Variants in TRPV6 observed in about 807,000 individuals in gnomAD.
TRPV6 encodes the protein Alu-binding protein with zinc finger domain.
Under a neutral mutation model 79.0 loss-of-function variants are expected in TRPV6, and 39 were observed. The observed-to-expected ratio is 0.49, with a 90% CI of 0.38 to 0.64. TRPV6 has a LOEUF of 0.64. Ranked by LOEUF, TRPV6 falls within the 30% of genes least tolerant of loss-of-function variation. TRPV6 has a pLI of 0.00. For missense variants in TRPV6, 813 were observed against 1,011.1 expected (o/e 0.80, Z 2.66); for synonymous variants, 373 against 391.9 (o/e 0.95, Z 0.57).
intron 1 of TRPV6, chr7:142,884,547 C>T (rs115655495): frequency 3.3e-5 from 5 of 152,328 alleles, no homozygotes; most frequent in African/African-American, 7.2e-5. Flanking sequence ...CCCTGAGTTC[C>T]GATTCCCTGC....
chr7:142,873,949 C>T lies in TRPV6; in HGVS notation c.1639+127G>A, dbSNP rs1794998684. On this transcript the variant is annotated intron_variant, in intron 12 of 14. Transcript: ENST00000359396. The surrounding 1 kb of genome is among the most constrained non-coding windows in gnomAD (Gnocchi z 4.8). ...TCTCACCTCTGGAGGACGTCCCATC[C>T]TCTGATACCATAGGTCTCCTCTGAT... The T allele has an allele frequency of 1.7e-6, 2 of 1,204,604 alleles. No homozygotes were observed. The highest frequency in any genetic ancestry group is 2.6e-5 in the East Asian group (1 of 39,142). The allele number at this position is 1,204,604 out of a possible 1,614,324, so 74.6% of individuals were successfully genotyped here.
chr7:142,878,235 G>A lies in TRPV6; in HGVS notation c.249-209C>T, dbSNP rs774765941. 1.7e-5 allele frequency: 10 copies of A among 595,760 alleles called. No individual in the cohort carries two copies. In the Admixed American group the frequency reaches 2.0e-4, roughly 12 times the overall value. The allele number at this position is 595,760 out of a possible 1,614,324, so 36.9% of individuals were successfully genotyped here. ...TCAACTTTTTGCCCATTTAGCATGC[G>A]TTTTGAGATTGTCCGTGACTGGTTT... On this transcript the variant is annotated intron_variant, in intron 1 of 14. Transcript: ENST00000359396.
Position 142,874,668 on chromosome 7 carries a change from GGGA to G in TRPV6, c.1407-15_1407-13del. 2 of 1,610,750 alleles carry G rather than the reference GGGA, an allele frequency of 1.2e-6. No homozygotes were observed. Among genetic ancestry groups the G allele is most frequent in the Non-Finnish European group, 1.7e-6 (2 of 1,177,874 alleles). ...AGGCATAGGTGATGCTGGGGGAGCA[GGGA>G]GGAGGGTGATGAGGGGAGGGCTGGG... On this transcript the variant is annotated splice_polypyrimidine_tract_variant and intron_variant, in intron 10 of 14. Coordinates refer to ENST00000359396, the MANE Select transcript of TRPV6 (RefSeq NM_018646.6).
At position 142,885,708 on chromosome 7, in the gene TRPV6, G is replaced by A. The variant is rs1041777219; in HGVS notation, c.-72C>T. On this transcript the variant is annotated 5_prime_UTR_variant, in exon 1 of 15. Transcript: ENST00000359396. ...AGCCCCAGCCAGTTTGGAGAGGGCTGTGAGTTTGTTACACTTGGCAGAGCC... is the reference window on the plus strand; with the variant it reads ...AGCCCCAGCCAGTTTGGAGAGGGCTATGAGTTTGTTACACTTGGCAGAGCC... 7 of 707,414 alleles carry A rather than the reference G, an allele frequency of 9.9e-6. No individual in the cohort carries two copies. Among genetic ancestry groups the A allele is most frequent in the African/African-American group, 7.2e-5 (4 of 55,330 alleles). The allele number at this position is 707,414 out of a possible 1,614,324, so 43.8% of individuals were successfully genotyped here. A position where few individuals can be genotyped will look rare whatever the true frequency, so the allele number is the denominator to read the frequency against.
chr7:142,877,636 C>T lies in TRPV6; in HGVS notation c.469+15G>A. 6.2e-7 allele frequency: 1 copy of T among 1,613,414 alleles called. No individual in the cohort carries two copies. The highest frequency in any genetic ancestry group is 2.2e-5 in the East Asian group (1 of 44,874). On this transcript the variant is annotated intron_variant, in intron 3 of 14. Coordinates refer to ENST00000359396, the MANE Select transcript of TRPV6 (RefSeq NM_018646.6). Reference sequence around the variant, plus strand: ...AGTCACTCCTGCTCTTCACCCCAGACCCGTGGGCCCTCACCCTCATAGAGC... The same window carrying T: ...AGTCACTCCTGCTCTTCACCCCAGATCCGTGGGCCCTCACCCTCATAGAGC...
intron 10 of TRPV6, 70 bp downstream of exon 10, chr7:142,874,834 T>C: frequency 6.3e-7 from 1 of 1,596,472 alleles, no homozygotes; most frequent in Non-Finnish European, 8.6e-7. Context: ...TCTTGAGAGG[T>C]CAGGAATCCA....
At chr7:142,883,174 T>G (rs1447999535) in intron 1 of TRPV6, 2 of 152,162 alleles carry the variant, frequency 1.3e-5, no homozygotes, top group Non-Finnish European at 2.9e-5. Context: ...GCATTAAATA[T>G]CAGGAAGTGA....
intron 1 of TRPV6, 165 bp downstream of exon 1, chr7:142,885,224 G>T (rs1795280287): frequency 2.8e-6 from 2 of 726,628 alleles, no homozygotes; most frequent in African/African-American, 1.8e-5. Context: ...CAGCCCTACA[G>T]GCTGAGGCTC....
rs1329620874 is a variant in TRPV6 at position 142,877,775 on chromosome 7, T to C, written c.347-2A>G. On this transcript the variant is annotated splice_acceptor_variant, in intron 2 of 14. Transcript: ENST00000359396. LOFTEE classifies it high-confidence loss of function. Reference sequence around the variant, plus strand: ...GTAGCGCTGTTTCCCCCATGGCTCCTGGCATTTACAGAGAGGTGGGTTATA... The same window carrying C: ...GTAGCGCTGTTTCCCCCATGGCTCCCGGCATTTACAGAGAGGTGGGTTATA... 2.5e-6 allele frequency: 4 copies of C among 1,614,162 alleles called. No homozygotes were observed. Among genetic ancestry groups the C allele is most frequent in the Admixed American group, 3.3e-5 (2 of 60,028 alleles).
chr7:142,877,330 G>A (rs1339380129), intron 3 of TRPV6, 51 bp from the exon 4 acceptor site: 1 of 1,602,228 alleles, frequency 6.2e-7, no homozygotes. Flanking sequence ...GATCCTGCAG[G>A]GGGTCCCTCC....
At chr7:142,875,727 C>G in intron 7 of TRPV6, 31 bp downstream of exon 7, 1 of 1,599,120 alleles carries the variant, frequency 6.3e-7, no homozygotes, top group Non-Finnish European at 8.5e-7. Flanking sequence ...GACACCCCTC[C>G]CCAGCCACAG....
At position 142,876,500 on chromosome 7, in the gene TRPV6, T is replaced by C. The variant is rs765006488; in HGVS notation, c.790A>G (p.Arg264Gly). 14 of 1,614,184 alleles carry C rather than the reference T, an allele frequency of 8.7e-6. No homozygotes were observed. The East Asian group carries it at 1.8e-4, about 21-fold the overall frequency. ...AGGGGCTGCAGGTGGTCCCCATGTC[T>C]GTCGTAGGACAGCAACAGGTTGTAC... The change falls in exon 6 of 15, where the codon AGA becomes GGA. Residue 264 changes from arginine (R) to glycine (G), a missense_variant. Coordinates refer to ENST00000359396, the MANE Select transcript of TRPV6 (RefSeq NM_018646.6).
chr7:142,878,054 G>A, intron 1 of TRPV6, 28 bp from the exon 2 acceptor site: 1 of 1,585,614 alleles, frequency 6.3e-7, no homozygotes, highest in Non-Finnish European at 8.7e-7. Flanking sequence ...AGGAAAGCTG[G>A]AAACAGTGAG....
In TRPV6 at chr7:142,872,411, C is replaced by T; in HGVS notation, c.1976G>A (p.Cys659Tyr). 6.2e-7 allele frequency: 1 copy of T among 1,614,262 alleles called. No homozygotes were observed. The change falls in exon 14 of 15, where the codon TGC (cysteine) becomes TAC (tyrosine). Residue 659 changes from cysteine (C) to tyrosine (Y), a missense_variant. By Grantham distance (194) the Cys-to-Tyr change is radical (BLOSUM62 -2). This residue lies in a region of TRPV6 where 164 missense variants were observed against 186.1 expected (regional missense o/e 0.88). Coordinates refer to ENST00000359396, the MANE Select transcript of TRPV6 (RefSeq NM_018646.6). ...GTCTCCCAGGCCATACTCCCGTCCG[C>T]AGATCCCGGAGCGAGGCCACAGGCA...
chr7:142,877,188 G>A lies in TRPV6; in HGVS notation c.561C>T (p.Ala187=), dbSNP rs1488628412. Residue 187 remains alanine, a synonymous_variant, in exon 4 of 15, where the codon GCC becomes GCT. Coordinates refer to ENST00000359396, the MANE Select transcript of TRPV6 (RefSeq NM_018646.6). ...GACTACGGCGGAAGGCAGTGCCTGT[G>A]GCTCTGGCAGAGACACTGGCCCTGC... The A allele has an allele frequency of 1.9e-6, 3 of 1,614,208 alleles. No homozygotes were observed. The highest frequency in any genetic ancestry group is 1.3e-5 in the African/African-American group (1 of 75,052).
intron 11 of TRPV6, 80 bp from the exon 12 acceptor site, chr7:142,874,222 C>A (rs1795005376): frequency 1.3e-6 from 2 of 1,484,576 alleles, no homozygotes; most frequent in African/African-American, 2.8e-5. Flanking sequence ...AGGTCTCACC[C>A]CGACAAGTCT....
At position 142,877,200 on chromosome 7, in the gene TRPV6, G is replaced by T. The variant is rs1795092774; in HGVS notation, c.549C>A (p.Val183=). 3 of 1,614,236 alleles carry T rather than the reference G, an allele frequency of 1.9e-6. No homozygotes were observed. In the East Asian group the frequency reaches 6.7e-5, roughly 36 times the overall value. Residue 183 remains valine, a synonymous_variant, in exon 4 of 15, where the codon GTC becomes GTA. Transcript: ENST00000359396. Reference sequence around the variant, plus strand: ...AGGCAGTGCCTGTGGCTCTGGCAGAGACACTGGCCCTGCGGGCAAGCAGGG... The same window carrying T: ...AGGCAGTGCCTGTGGCTCTGGCAGATACACTGGCCCTGCGGGCAAGCAGGG...
At chr7:142,884,720 ATC>A (rs898953436) in intron 1 of TRPV6, 9 of 152,156 alleles carry the variant, frequency 5.9e-5, no homozygotes, top group African/African-American at 2.2e-4. Flanking sequence ...TCCTCGGAAC[ATC>A]TGTTATTTTG....
rs1200458339 is a variant in TRPV6, at chr7:142,877,137, C to T, written c.607+5G>A. 9 of 1,613,600 alleles carry T rather than the reference C, an allele frequency of 5.6e-6. No individual in the cohort carries two copies. In the South Asian group the frequency reaches 8.8e-5, roughly 16 times the overall value. ...CCCGTCCTCCAAGCCCAGCCCTGCTCTCACCAAAGTAGATGAGGTTGCAGG... is the reference window on the plus strand; with the variant it reads ...CCCGTCCTCCAAGCCCAGCCCTGCTTTCACCAAAGTAGATGAGGTTGCAGG... On this transcript the variant is annotated splice_donor_5th_base_variant and intron_variant, in intron 4 of 14. Coordinates refer to ENST00000359396, the MANE Select transcript of TRPV6 (RefSeq NM_018646.6).
Sources: allele counts gnomAD v4.1 joint callset, GRCh38; gene constraint gnomAD v4.1.1; regional missense constraint gnomAD v4.1.1; non-coding constraint Gnocchi (gnomAD v3.1); transcripts MANE v1.5; gene names NCBI Gene and HGNC (gene_info 2026-07-23, HGNC 2026-07-21).